The following SLAIN2 variants were observed in gnomAD, a reference collection of about 807,000 sequenced individuals.
SLAIN2 encodes the protein SLAIN family member 2.
SLAIN2 carries 31 observed loss-of-function variants against 56.6 expected under a neutral mutation model. The ratio of observed to expected loss-of-function variants is 0.55; its 90% confidence interval spans 0.41 to 0.74. The LOEUF is 0.74. Ranked by LOEUF, SLAIN2 falls within the 30% of genes least tolerant of loss-of-function variation. SLAIN2 has a pLI of 0.00. For missense variants in SLAIN2, 777 were observed against 754.2 expected (o/e 1.03, Z -0.35); for synonymous variants, 317 against 284.9 (o/e 1.11, Z -1.13).
rs1165421381 is a variant in SLAIN2, at chr4:48,424,267, A to G, written c.*2190A>G. The G allele has an allele frequency of 1.3e-5, 2 of 152,146 alleles. No homozygotes were observed. Among genetic ancestry groups the G allele is most frequent in the Non-Finnish European group, 2.9e-5 (2 of 68,002 alleles). 9.4% of individuals were successfully genotyped at this position (152,146 alleles called of 1,614,324 possible). A position where few individuals can be genotyped will look rare whatever the true frequency, so the allele number is the denominator to read the frequency against. On this transcript the variant is annotated 3_prime_UTR_variant, in exon 8 of 8. Coordinates refer to ENST00000264313, the MANE Select transcript of SLAIN2 (RefSeq NM_020846.2). ...TTGACTTTTAGTTTCTTAAAGAGAA[A>G]AATTGCCTTTTTACTAGAAAGCCTT...
intron 3 of SLAIN2, among the ~76,000 whole-genome samples, chr4:48,379,344 T>TA (rs1715913276): frequency 6.6e-6 from 1 of 152,194 alleles, no homozygotes; most frequent in Non-Finnish European, 1.5e-5. Context: ...CATCTATTTA[T>TA]AGAGCAGTTT....
At chr4:48,374,160 G>A (rs541979533) in intron 2 of SLAIN2, among the ~76,000 whole-genome samples, 3 of 152,320 alleles carry the variant, frequency 2.0e-5, no homozygotes, top group South Asian at 2.1e-4. Context: ...AAGGAGAGAT[G>A]TGAGATAAGG....
chr4:48,416,651 A>G (rs1411889130), intron 6 of SLAIN2, among the ~76,000 whole-genome samples: 4 of 151,762 alleles, frequency 2.6e-5, no homozygotes, highest in African/African-American at 2.4e-5. Flanking sequence ...TTTTCAAACT[A>G]TCTCTCAGAC....
At chr4:48,390,892 G>GT (rs1387407315) in intron 6 of SLAIN2, among the ~76,000 whole-genome samples, 2 of 152,026 alleles carry the variant, frequency 1.3e-5, no homozygotes, top group Admixed American at 6.6e-5. Context: ...AATTTTGAAA[G>GT]TTTTTTTCAT....
intron 6 of SLAIN2, among the ~76,000 whole-genome samples, chr4:48,399,405 T>C (rs1716490164): frequency 6.6e-6 from 1 of 152,238 alleles, no homozygotes; most frequent in South Asian, 2.1e-4. Flanking sequence ...GCTCTTGAGC[T>C]GAAATGATGG....
chr4:48,345,541 C>A (rs1488975225), intron 1 of SLAIN2, among the ~76,000 whole-genome samples: 1 of 151,764 alleles, frequency 6.6e-6, no homozygotes, highest in Non-Finnish European at 1.5e-5. Flanking sequence ...GTTTTAACTT[C>A]TATTATGCTT....
At chr4:48,397,718 T>C (rs1716438606) in intron 6 of SLAIN2, among the ~76,000 whole-genome samples, 1 of 152,130 alleles carries the variant, frequency 6.6e-6, no homozygotes, top group Non-Finnish European at 1.5e-5. Flanking sequence ...GTCCATGTGC[T>C]CTTACTGTTC....
chr4:48,362,479 C>T lies in SLAIN2; in HGVS notation c.390-7370C>T, dbSNP rs1258167359. Among the ~76,000 whole-genome samples the T allele has an allele frequency of 2.1e-5, 3 of 143,332 alleles. No individual in the cohort carries two copies. In the East Asian group the frequency reaches 6.0e-4, roughly 29 times the overall value. 94.0% of individuals were successfully genotyped at this position (143,332 alleles called of 152,430 possible). A position where few individuals can be genotyped will look rare whatever the true frequency, so the allele number is the denominator to read the frequency against. ...TGTCGCCCAGGGTGGAGTGCAGTGG[C>T]TCAGTCTTGGGTCACTACAACCTCT... On this transcript the variant is annotated intron_variant, in intron 1 of 7. Coordinates refer to ENST00000264313, the MANE Select transcript of SLAIN2 (RefSeq NM_020846.2).
At chr4:48,353,761 A>AAAT (rs754329577) in intron 1 of SLAIN2, among the ~76,000 whole-genome samples, 23 of 152,070 alleles carry the variant, frequency 1.5e-4, no homozygotes, top group Non-Finnish European at 2.5e-4. Flanking sequence ...GATAGATTGG[A>AAAT]AATATGAAAG....
intron 1 of SLAIN2, among the ~76,000 whole-genome samples, chr4:48,349,855 C>T (rs1714965359): frequency 6.6e-6 from 1 of 152,118 alleles, no homozygotes; most frequent in South Asian, 2.1e-4. Flanking sequence ...ATAGGTGGAG[C>T]ACTGTGCTGT....
intron 6 of SLAIN2, among the ~76,000 whole-genome samples, chr4:48,415,394 T>G (rs1416048628): frequency 4.7e-5 from 3 of 63,352 alleles, no homozygotes; most frequent in Non-Finnish European, 7.1e-5. Flanking sequence ...TCACCCACTT[T>G]TTGATGGGGT....
intron 6 of SLAIN2, among the ~76,000 whole-genome samples, chr4:48,413,576 A>T (rs1441767067): frequency 6.6e-6 from 1 of 152,218 alleles, no homozygotes. Context: ...GATACCATTG[A>T]ATAATTGAAA....
chr4:48,341,730 C>T lies in SLAIN2; in HGVS notation c.-10C>T. On this transcript the variant is annotated 5_prime_UTR_variant, in exon 1 of 8. Coordinates refer to ENST00000264313, the MANE Select transcript of SLAIN2 (RefSeq NM_020846.2). The stretch of plus-strand genomic sequence containing the variant: ...CGGGCGGCGGAGGCGGCGGCGGCGG[C>T]GGGGCCGGGATGGAGGACGTTAACT... 2 of 1,522,110 alleles carry T rather than the reference C, an allele frequency of 1.3e-6. No homozygotes were observed. The highest frequency in any genetic ancestry group is 5.3e-5 in the East Asian group (2 of 37,692). 94.3% of individuals were successfully genotyped at this position (1,522,110 alleles called of 1,614,324 possible).
intron 1 of SLAIN2, among the ~76,000 whole-genome samples, chr4:48,360,153 C>CA (rs34874508): frequency 0.29 from 34,363 of 119,488 alleles, 4,599 homozygotes; most frequent in Middle Eastern, 0.42. Flanking sequence ...GACTCTGTCT[C>CA]AAAAAAAAAA....
intron 6 of SLAIN2, among the ~76,000 whole-genome samples, chr4:48,414,568 TTTA>T (rs1261414802): frequency 0.023 from 3,347 of 143,138 alleles, 41 homozygotes; most frequent in Admixed American, 0.041. Context: ...TTTTTTTTTT[TTTA>T]TTATACTCTA....
chr4:48,418,767 C>A (rs1232465527), intron 6 of SLAIN2, among the ~76,000 whole-genome samples: 1 of 152,172 alleles, frequency 6.6e-6, no homozygotes, highest in Non-Finnish European at 1.5e-5. Context: ...TTGCTCCCAA[C>A]CTCCAACAAA....
At chr4:48,359,859 A>G (rs1405592231) in intron 1 of SLAIN2, among the ~76,000 whole-genome samples, 1 of 152,210 alleles carries the variant, frequency 6.6e-6, no homozygotes, top group African/African-American at 2.4e-5. Flanking sequence ...CTTAAATTGT[A>G]TTTAATAGTG....
At chr4:48,381,260 A>C (rs779748626) in intron 4 of SLAIN2, among the ~76,000 whole-genome samples, 36 of 152,148 alleles carry the variant, frequency 2.4e-4, no homozygotes, top group Admixed American at 5.2e-4. Flanking sequence ...TACTTTAATA[A>C]TTTTTTCTAA....
At chr4:48,394,718 T>C in intron 6 of SLAIN2, 1 of 1,339,036 alleles carries the variant, frequency 7.5e-7, no homozygotes, top group Non-Finnish European at 1.0e-6. Context: ...TTAAGCCATT[T>C]GGCATACTGA....
Sources: allele counts gnomAD v4.1 joint callset (sites outside exome capture counted in the v4.1 genomes callset), GRCh38; gene constraint gnomAD v4.1.1; transcripts MANE v1.5; gene names NCBI Gene and HGNC (gene_info 2026-07-23, HGNC 2026-07-21).